Variants in CDH18 observed in about 807,000 individuals in gnomAD.
The protein encoded by CDH18 is cadherin-18.
In CDH18, 31 loss-of-function variants were observed where a neutral mutation model predicts 67.9. The ratio of observed to expected loss-of-function variants is 0.46; its 90% CI spans 0.34 to 0.62. The LOEUF is 0.62. Among genes scored for constraint, CDH18 ranks in the 20% least tolerant of loss-of-function variants. The pLI, the probability that CDH18 is intolerant of heterozygous loss-of-function variation, is 0.01. For missense variants in CDH18, 890 were observed against 975.5 expected (o/e 0.91, Z 1.17); for synonymous variants, 362 against 347.2 (o/e 1.04, Z -0.48).
At chr5:20,108,115 C>T (rs1215190986) in intron 2 of CDH18, among the ~76,000 whole-genome samples, 1 of 152,064 alleles carries the variant, frequency 6.6e-6, no homozygotes, top group Non-Finnish European at 1.5e-5. Flanking sequence ...CAGTCTTGCT[C>T]TGTCGCTCAG....
chr5:20,564,130 C>G (rs150987430), intron 1 of CDH18, among the ~76,000 whole-genome samples: 1,763 of 152,108 alleles, frequency 0.012, 28 homozygotes, highest in African/African-American at 0.037. Context: ...ACCTATCTCT[C>G]CAGGGCCCAT....
At chr5:19,762,471 G>A (rs1192657877) in intron 3 of CDH18, among the ~76,000 whole-genome samples, 1 of 152,166 alleles carries the variant, frequency 6.6e-6, no homozygotes, top group South Asian at 2.1e-4. Flanking sequence ...CATTTATGCA[G>A]CCAACAGACA....
chr5:19,932,626 G>T (rs892039019), intron 2 of CDH18, among the ~76,000 whole-genome samples: 1 of 151,716 alleles, frequency 6.6e-6, no homozygotes, highest in Non-Finnish European at 1.5e-5. Context: ...AATCTTTGCA[G>T]TTCATTCACT....
intron 2 of CDH18, among the ~76,000 whole-genome samples, chr5:20,069,759 C>T (rs1336571200): frequency 6.6e-6 from 1 of 152,004 alleles, no homozygotes; most frequent in East Asian, 1.9e-4. Context: ...GTTTTAGGTT[C>T]ACGGCAAAAT....
At chr5:20,387,411 T>A (rs897688960) in intron 1 of CDH18, among the ~76,000 whole-genome samples, 9 of 152,148 alleles carry the variant, frequency 5.9e-5, no homozygotes, top group Non-Finnish European at 1.5e-5. Flanking sequence ...TTTTTGCACA[T>A]TGATTTTTTA....
chr5:20,292,860 T>C (rs1747207195), intron 1 of CDH18, among the ~76,000 whole-genome samples: 1 of 152,200 alleles, frequency 6.6e-6, no homozygotes, highest in Non-Finnish European at 1.5e-5. Context: ...ACCAGTCATG[T>C]AGGACTAAGG....
intron 1 of CDH18, among the ~76,000 whole-genome samples, chr5:20,280,367 A>G (rs1475500720): frequency 6.6e-6 from 1 of 151,718 alleles, no homozygotes; most frequent in Non-Finnish European, 1.5e-5. Flanking sequence ...CACTCCTCCC[A>G]CCCAACAAAA....
At chr5:20,325,190 C>A (rs939564033) in intron 1 of CDH18, among the ~76,000 whole-genome samples, 5 of 152,174 alleles carry the variant, frequency 3.3e-5, no homozygotes, top group Non-Finnish European at 5.9e-5. Flanking sequence ...AATGCCTTTA[C>A]TCTGTTTTAT....
chr5:19,537,454 C>G (rs1018597972), intron 9 of CDH18, among the ~76,000 whole-genome samples: 1 of 151,942 alleles, frequency 6.6e-6, no homozygotes, highest in South Asian at 2.1e-4. Flanking sequence ...TGTATGTGCA[C>G]ATACACATTA....
At chr5:20,071,472 A>G (rs535342609) in intron 2 of CDH18, among the ~76,000 whole-genome samples, 3 of 152,226 alleles carry the variant, frequency 2.0e-5, no homozygotes, top group East Asian at 1.9e-4. Flanking sequence ...TACAACCACA[A>G]AGAAATGTGC....
At chr5:19,495,693 T>C (rs1437142522) in intron 11 of CDH18, among the ~76,000 whole-genome samples, 1 of 112,146 alleles carries the variant, frequency 8.9e-6, no homozygotes, top group Admixed American at 1.3e-4. Flanking sequence ...CACTACAGCC[T>C]GGGCAAAAAG....
chr5:20,138,156 C>T (rs919110313), intron 2 of CDH18, among the ~76,000 whole-genome samples: 1 of 151,766 alleles, frequency 6.6e-6, no homozygotes, highest in Non-Finnish European at 1.5e-5. Flanking sequence ...AAGGCTAGTT[C>T]AACATATGCA....
intron 5 of CDH18, among the ~76,000 whole-genome samples, chr5:19,639,856 T>A (rs1168348699): frequency 6.6e-6 from 1 of 152,216 alleles, no homozygotes; most frequent in Admixed American, 6.5e-5. Flanking sequence ...AAAGGTATAA[T>A]TTTGAAAGCA....
At chr5:20,283,309 G>A (rs1297609735) in intron 1 of CDH18, among the ~76,000 whole-genome samples, 1 of 151,902 alleles carries the variant, frequency 6.6e-6, no homozygotes, top group Admixed American at 6.6e-5. Flanking sequence ...ACAAGTGGAG[G>A]GAATCCACAG....
At chr5:20,175,250 C>T (rs954644438) in intron 2 of CDH18, among the ~76,000 whole-genome samples, 3 of 151,988 alleles carry the variant, frequency 2.0e-5, no homozygotes, top group Non-Finnish European at 4.4e-5. Context: ...GAGGAGGAAA[C>T]ATAAGCAACC....
chr5:19,702,855 C>A (rs574530202), intron 5 of CDH18, among the ~76,000 whole-genome samples: 82 of 152,262 alleles, frequency 5.4e-4, no homozygotes, highest in African/African-American at 1.7e-3. Flanking sequence ...GAGCAAGGAA[C>A]ACCTGGCCCA....
chr5:19,833,981 T>G (rs1434529991), intron 3 of CDH18, among the ~76,000 whole-genome samples: 3 of 151,856 alleles, frequency 2.0e-5, no homozygotes, highest in Non-Finnish European at 2.9e-5. Context: ...TGAAGATTTT[T>G]TTGTTGTTGT....
chr5:20,238,538 GA>G (rs1199076079), intron 2 of CDH18, among the ~76,000 whole-genome samples: 9 of 152,064 alleles, frequency 5.9e-5, no homozygotes, highest in South Asian at 2.1e-4. Flanking sequence ...GGCTAAAGTT[GA>G]AAAGATCTAA....
intron 5 of CDH18, among the ~76,000 whole-genome samples, chr5:19,629,652 G>A (rs1449569056): frequency 6.6e-6 from 1 of 152,154 alleles, no homozygotes; most frequent in Non-Finnish European, 1.5e-5. Context: ...TATTTCGACT[G>A]CATATATTAC....
Sources: allele counts gnomAD v4.1 joint callset (sites outside exome capture counted in the v4.1 genomes callset), GRCh38; gene constraint gnomAD v4.1.1; transcripts MANE v1.5; gene names NCBI Gene and HGNC (gene_info 2026-07-23, HGNC 2026-07-21).